MIB2: variants seen among roughly 807,000 people sequenced by gnomAD.
The protein encoded by MIB2 is MIB E3 ubiquitin protein ligase 2.
A neutral mutation model predicts 96.6 loss-of-function variants in MIB2; 78 were observed. The ratio of observed to expected loss-of-function variants is 0.81; its 90% CI spans 0.67 to 0.97. The LOEUF (loss-of-function observed/expected upper bound fraction) is 0.97. Among genes scored for constraint, MIB2 ranks in the 50% least tolerant of loss-of-function variants. The pLI is 0.00. For missense variants in MIB2, 1,543 were observed against 1,424.0 expected, an observed-to-expected ratio of 1.08 and a Z score of -1.35; for synonymous variants, 820 against 629.5, an observed-to-expected ratio of 1.30 and a Z score of -4.53.
At position 1,625,925 on chromosome 1, in the gene MIB2, G is replaced by C. The variant is rs146445154; in HGVS notation, c.972+272G>C. 1.6e-4 allele frequency: 88 copies of C among 536,848 alleles called. No homozygotes were observed. Among genetic ancestry groups the C allele is most frequent in the African/African-American group, 1.2e-3 (64 of 52,754 alleles). 33.3% of individuals were successfully genotyped at this position (536,848 alleles called of 1,614,324 possible). On this transcript the variant is annotated intron_variant, in intron 8 of 19. Transcript: ENST00000355826. This position sits in a 1 kb window ranked among gnomAD's most constrained non-coding sequence, Gnocchi z 5.0. Reference sequence around the variant, plus strand: ...CTGTTCCAGGACACCAGGAAGGCAGGACAGCTTCGTGGGCGGGAGGGAGGC... The same window carrying C: ...CTGTTCCAGGACACCAGGAAGGCAGCACAGCTTCGTGGGCGGGAGGGAGGC...
In MIB2 at chr1:1,629,278, T is replaced by C; in HGVS notation, c.2348T>C (p.Leu783Pro). The C allele has an allele frequency of 1.3e-6, 2 of 1,540,302 alleles. No homozygotes were observed. Among genetic ancestry groups the C allele is most frequent in the Non-Finnish European group, 1.7e-6 (2 of 1,155,738 alleles). Reference sequence around the variant, plus strand: ...GACCTGGCCGCCGAGGGTCGCGTGCTCAAGGCCCTTCAGGGCTGCGCCCAG... The same window carrying C: ...GACCTGGCCGCCGAGGGTCGCGTGCCCAAGGCCCTTCAGGGCTGCGCCCAG... Reference protein sequence around the residue: ...PLDLAAEGRVLKALQGCAQRF... With the variant: ...PLDLAAEGRVPKALQGCAQRF... The change falls in exon 17 of 20, where the codon CTC (leucine) becomes CCC (proline). Residue 783 changes from leucine (L) to proline (P), a missense_variant. Leu to Pro is a moderately conservative substitution (Grantham distance 98). Transcript: ENST00000355826.
At position 1,628,049 on chromosome 1, in the gene MIB2, G is replaced by A. The variant is rs924705426; in HGVS notation, c.1711G>A (p.Ala571Thr). 7 of 1,613,136 alleles carry A rather than the reference G, an allele frequency of 4.3e-6. No individual in the cohort carries two copies. Among genetic ancestry groups the A allele is most frequent in the Admixed American group, 1.7e-5 (1 of 60,018 alleles). Residue 571 changes from alanine (A) to threonine (T), a missense_variant, in exon 14 of 20, where the codon GCC becomes ACC. Ala to Thr is a moderately conservative substitution (Grantham distance 58). Transcript: ENST00000355826. Reference protein sequence around the residue: ...DAHSDTPLHSAISAGTGASGI... With the variant: ...DAHSDTPLHSTISAGTGASGI... ...CCACTCGGACACGCCCCTGCACTCC[G>A]CCATCTCGGCGGGCACTGGAGCCAG... is the stretch of plus-strand genomic sequence containing the variant.
chr1:1,629,942 GC>G (rs1638472761), intron 19 of MIB2, among the ~76,000 whole-genome samples: 2 of 123,108 alleles, frequency 1.6e-5, no homozygotes. Context: ...TCACACCCCA[GC>G]CCCGCTGGAT....
At position 1,626,686 on chromosome 1, in the gene MIB2, A is replaced by G. The variant is rs760666773; in HGVS notation, c.1009A>G (p.Ile337Val). ...SFWVGDVVRV[I>V]GDLDTVKRLQ... The stretch of plus-strand genomic sequence containing the variant: ...CTGGGTGGGCGACGTGGTCCGGGTC[A>G]TCGGCGACCTTGACACAGTGAAGCG... The change falls in exon 9 of 20, where the codon ATC (isoleucine) becomes GTC (valine). Residue 337 changes from isoleucine (I) to valine (V), a missense_variant. Coordinates refer to ENST00000355826, the MANE Select transcript of MIB2 (RefSeq NM_001170687.4). This position sits in a 1 kb window ranked among gnomAD's most constrained non-coding sequence, Gnocchi z 5.3. The G allele has an allele frequency of 1.5e-4, 239 of 1,595,548 alleles. No individual in the cohort carries two copies. Among genetic ancestry groups the G allele is most frequent in the Non-Finnish European group, 2.0e-4 (233 of 1,170,516 alleles).
Position 1,629,213 on chromosome 1 carries a change from C to A in MIB2, c.2283C>A (p.Ala761=), listed in dbSNP as rs1419956251. The A allele has an allele frequency of 4.6e-6, 7 of 1,532,692 alleles. No homozygotes were observed. In the African/African-American group the frequency reaches 8.6e-5, roughly 19 times the overall value. 94.9% of individuals were successfully genotyped at this position (1,532,692 alleles called of 1,614,324 possible). A position where few individuals can be genotyped will look rare whatever the true frequency, so the allele number is the denominator to read the frequency against. Residue 761 remains alanine, a synonymous_variant, in exon 17 of 20, where the codon GCC becomes GCA. Coordinates refer to ENST00000355826, the MANE Select transcript of MIB2 (RefSeq NM_001170687.4). ...CCTGCTTCCTGGCGCTGGAGGGCGCCGACGTGAGCTACACCAACCACCGCG... is the reference window on the plus strand; with the variant it reads ...CCTGCTTCCTGGCGCTGGAGGGCGCAGACGTGAGCTACACCAACCACCGCG... The part of the protein sequence containing the change: ...AVACFLALEG[A]DVSYTNHRGR...
chr1:1,615,312 G>C (rs1396706273), upstream of MIB2: 1 of 1,377,152 alleles, frequency 7.3e-7, no homozygotes, highest in East Asian at 2.9e-5. Context: ...TGGCAACCGA[G>C]TGCGTCTCTA....
Position 1,616,562 on chromosome 1 carries a change from C to T in MIB2, c.-75C>T. The T allele has an allele frequency of 1.9e-6, 3 of 1,604,172 alleles. No individual in the cohort carries two copies. The highest frequency in any genetic ancestry group is 2.2e-5 in the South Asian group (2 of 89,770). The stretch of plus-strand genomic sequence containing the variant: ...GTCCCAAAGTTTCCAGGCATCAGGG[C>T]TGCAGCCCAGGAGCCTCAAGGCGGC... On this transcript the variant is annotated 5_prime_UTR_variant, in exon 2 of 20. Transcript: ENST00000355826.
rs769908452 is a variant in MIB2, at chr1:1,626,674, G to A, written c.997G>A (p.Val333Met). 1.3e-5 allele frequency: 21 copies of A among 1,580,814 alleles called. No individual in the cohort carries two copies. The highest frequency in any genetic ancestry group is 1.7e-4 in the Middle Eastern group (1 of 5,884). ...GCACCACTCCTTCTGGGTGGGCGAC[G>A]TGGTCCGGGTCATCGGCGACCTTGA... Reference protein sequence around the residue: ...TKHHSFWVGDVVRVIGDLDTV... With the variant: ...TKHHSFWVGDMVRVIGDLDTV... The change falls in exon 9 of 20, where the codon GTG becomes ATG. Residue 333 changes from valine (V) to methionine (M), a missense_variant. Physicochemically the swap from Val to Met is conservative, Grantham distance 21. Coordinates refer to ENST00000355826, the MANE Select transcript of MIB2 (RefSeq NM_001170687.4). This position sits in a 1 kb window ranked among gnomAD's most constrained non-coding sequence, Gnocchi z 5.3.
chr1:1,624,969 C>T, intron 5 of MIB2, 22 bp from the exon 6 acceptor site: 1 of 1,607,562 alleles, frequency 6.2e-7, no homozygotes. Context: ...CCTTAGCCTG[C>T]TGGGGGGGCC....
chr1:1,628,863 G>C (rs1645077168), intron 16 of MIB2, 141 bp downstream of exon 16: 1 of 830,970 alleles, frequency 1.2e-6, no homozygotes, highest in South Asian at 1.8e-5. Context: ...GCAGATGGGA[G>C]CCAAGTTCTA....
At chr1:1,618,018 C>T (rs891918707) in intron 2 of MIB2, 4 of 152,338 alleles carry the variant, frequency 2.6e-5, no homozygotes, top group Non-Finnish European at 5.9e-5. Context: ...GTGGCCACAG[C>T]CATGTACGCC....
intron 19 of MIB2, 51 bp downstream of exon 19, chr1:1,629,755 G>A (rs750544681): frequency 1.0e-5 from 15 of 1,505,580 alleles, no homozygotes; most frequent in Non-Finnish European, 1.3e-5. Context: ...CTGGTGGCCC[G>A]CGGGTCCCCG....
intron 2 of MIB2, chr1:1,618,620 C>G (rs1643961045): frequency 6.6e-6 from 1 of 152,300 alleles, no homozygotes; most frequent in Non-Finnish European, 1.5e-5. Context: ...CAGCCCAGAA[C>G]CTGTCCCATG....
chr1:1,618,338 C>T (rs1156718159), intron 2 of MIB2: 1 of 152,480 alleles, frequency 6.6e-6, no homozygotes, highest in Non-Finnish European at 1.5e-5. Context: ...AGGCCTCCTG[C>T]TCTCCAGGAA....
intron 19 of MIB2, 53 bp from the exon 20 acceptor site, chr1:1,630,239 C>T (rs1429999251): frequency 2.0e-6 from 1 of 506,068 alleles, no homozygotes; most frequent in South Asian, 2.7e-5. Context: ...GCTCCCTGCT[C>T]CCCGCATTCC....
Position 1,627,818 on chromosome 1 carries a change from G to A in MIB2, c.1669G>A (p.Val557Ile), listed in dbSNP as rs530626301. The A allele has an allele frequency of 3.8e-5, 61 of 1,599,296 alleles. No individual in the cohort carries two copies. In the East Asian group the frequency reaches 8.0e-4, roughly 21 times the overall value. The change falls in exon 13 of 20, where the codon GTC becomes ATC. Residue 557 changes from valine to isoleucine, a missense_variant. Coordinates refer to ENST00000355826, the MANE Select transcript of MIB2 (RefSeq NM_001170687.4). The stretch of plus-strand genomic sequence containing the variant: ...GGCCCTGTGTGAGCGCGGCTGTGAC[G>A]TCAACCTGCCCGTGAGTGCTGCTCC... ...VRALCERGCD[V>I]NLPDAHSDTP...
rs758340098 is a variant in MIB2, at chr1:1,630,300, G to A, written c.2638G>A (p.Glu880Lys). ...VSKKLRPDGS[E>K]VASAAPAPGP... Reference sequence around the variant, plus strand: ...CGTCCCCCACCCCGCAGACGGCTCTGAGGTGGCGAGCGCCGCCCCCGCCCC... The same window carrying A: ...CGTCCCCCACCCCGCAGACGGCTCTAAGGTGGCGAGCGCCGCCCCCGCCCC... Residue 880 changes from glutamate (E) to lysine (K), a missense_variant, in exon 20 of 20, where the codon GAG becomes AAG. Coordinates refer to ENST00000355826, the MANE Select transcript of MIB2 (RefSeq NM_001170687.4). The A allele has an allele frequency of 2.0e-5, 30 of 1,512,190 alleles. No individual in the cohort carries two copies. The highest frequency in any genetic ancestry group is 2.4e-5 in the Non-Finnish European group (27 of 1,137,576). The allele number at this position is 1,512,190 out of a possible 1,614,324, so 93.7% of individuals were successfully genotyped here. A position where few individuals can be genotyped will look rare whatever the true frequency, so the allele number is the denominator to read the frequency against.
chr1:1,619,406 G>T (rs538719037), intron 2 of MIB2, among the ~76,000 whole-genome samples: 17 of 152,314 alleles, frequency 1.1e-4, no homozygotes, highest in Admixed American at 1.0e-3. Context: ...CCCTCCAGAG[G>T]GTCCAGGATA....
chr1:1,616,780 A>AG lies in MIB2; in HGVS notation c.-23+168dup. 5.2e-6 allele frequency: 3 copies of AG among 579,554 alleles called. 1 individual carries two copies. The South Asian group carries it at 6.2e-5, about 12-fold the overall frequency. 35.9% of individuals were successfully genotyped at this position (579,554 alleles called of 1,614,324 possible). ...TCCTCTCTGAGTTCGGAACCCATGGAGGAAGAAAGCAGAGGTGCCAGACAG... is the reference window on the plus strand; with the variant it reads ...TCCTCTCTGAGTTCGGAACCCATGGAGGGAAGAAAGCAGAGGTGCCAGACAG... On this transcript the variant is annotated intron_variant, in intron 2 of 19. Transcript: ENST00000355826.
Sources: gnomAD v4.1 joint callset for allele counts (sites outside exome capture counted in the v4.1 genomes callset) on GRCh38, gnomAD v4.1.1 for gene constraint, Gnocchi (gnomAD v3.1) non-coding constraint, MANE v1.5 for transcripts, NCBI Gene and HGNC (gene_info 2026-07-23, HGNC 2026-07-21) for gene names.